The following ACAD10 variants were observed in gnomAD, a reference collection of about 807,000 sequenced individuals.
The protein encoded by ACAD10 is ACAD-10.
In ACAD10, 112 loss-of-function variants were observed where a neutral mutation model predicts 116.8. That is an observed-to-expected ratio of 0.96 (90% CI 0.82 to 1.12). The LOEUF (loss-of-function observed/expected upper bound fraction) is 1.12. ACAD10 is among the 50% of genes most tolerant of loss of function. The pLI is 0.00. For missense variants in ACAD10, 1,259 were observed against 1,350.2 expected, an observed-to-expected ratio of 0.93 and a Z score of 1.06; for synonymous variants, 486 against 510.6, an observed-to-expected ratio of 0.95 and a Z score of 0.65.
intron 2 of ACAD10, among the ~76,000 whole-genome samples, chr12:111,700,744 T>TTCCTTCCTTCCTTCCTTCCTTCCA (rs1400394382): frequency 6.9e-6 from 1 of 145,868 alleles, no homozygotes; most frequent in Admixed American, 6.8e-5. Flanking sequence ...CCTTCCTTCC[T>TTCCTTCCTTCCTTCCTTCCTTCCA]CTTCTTTTTT....
intron 2 of ACAD10, among the ~76,000 whole-genome samples, chr12:111,695,461 T>C (rs2135944201): frequency 6.6e-6 from 1 of 152,300 alleles, no homozygotes; most frequent in African/African-American, 2.4e-5. Context: ...AAGTTTCACC[T>C]TCACCGAGAT....
At chr12:111,698,629 C>T (rs987720180) in intron 2 of ACAD10, among the ~76,000 whole-genome samples, 5 of 151,628 alleles carry the variant, frequency 3.3e-5, no homozygotes, top group Admixed American at 6.6e-5. Flanking sequence ...AGGCATGCAC[C>T]ACCACCCCTG....
chr12:111,723,223 C>T (rs1889083945), intron 8 of ACAD10, among the ~76,000 whole-genome samples: 3 of 123,120 alleles, frequency 2.4e-5, no homozygotes, highest in South Asian at 2.9e-4. Context: ...CCGGACGGGG[C>T]GGCTGGCCGG....
intron 2 of ACAD10, among the ~76,000 whole-genome samples, chr12:111,695,815 A>G (rs1024269222): frequency 6.6e-6 from 1 of 152,010 alleles, no homozygotes; most frequent in African/African-American, 2.4e-5. Flanking sequence ...TGAGTTTGAG[A>G]CCAGCCTGGC....
At chr12:111,736,596 T>G (rs2135981350) in intron 11 of ACAD10, among the ~76,000 whole-genome samples, 1 of 152,342 alleles carries the variant, frequency 6.6e-6, no homozygotes, top group South Asian at 2.1e-4. Context: ...CATTCCTTCC[T>G]TTACTGCCAG....
At chr12:111,686,893 G>A (rs1373185966) in intron 1 of ACAD10, among the ~76,000 whole-genome samples, 2 of 152,188 alleles carry the variant, frequency 1.3e-5, no homozygotes, top group African/African-American at 2.4e-5. Flanking sequence ...CGTACTATGA[G>A]GTTGACCTAC....
intron 17 of ACAD10, chr12:111,748,914 C>A: frequency 1.7e-6 from 2 of 1,211,556 alleles, no homozygotes; most frequent in Non-Finnish European, 1.2e-6. Flanking sequence ...CCACTAGGAG[C>A]TTCAGCTTAA....
chr12:111,736,961 T>C lies in ACAD10; in HGVS notation c.1671T>C (p.Arg557=). The C allele has an allele frequency of 1.2e-6, 2 of 1,613,912 alleles. No individual in the cohort carries two copies. The highest frequency in any genetic ancestry group is 1.7e-6 in the Non-Finnish European group (2 of 1,179,924). ...TCTATATGGCTTTTTCCTTTTTCCG[T>C]GTGGCTGCAATCCTACAGGGAGTCT... ...WNFYMAFSFF[R]VAAILQGVYK... is the part of the protein sequence containing the mutation. Residue 557 remains arginine (R), a synonymous_variant, in exon 12 of 21, where the codon CGT becomes CGC. Transcript: ENST00000313698.
rs549492939 is a variant in ACAD10 at position 111,747,621 on chromosome 12, G to A, written c.2485+236G>A. 4.3e-4 allele frequency: 571 copies of A among 1,342,350 alleles called. 6 individuals carry two copies. The South Asian group carries it at 8.3e-3, about 20-fold the overall frequency. 83.2% of individuals were successfully genotyped at this position (1,342,350 alleles called of 1,614,324 possible). ...CGTCCCCCGGTGCCCACACATGGAC[G>A]GATGCCTCCCTGCACATGTGACCCC... On this transcript the variant is annotated intron_variant, in intron 16 of 20. Transcript: ENST00000313698.
chr12:111,752,006 C>T (rs1314045229), intron 18 of ACAD10, among the ~76,000 whole-genome samples: 2 of 149,268 alleles, frequency 1.3e-5, no homozygotes, highest in Non-Finnish European at 3.0e-5. Context: ...TGCGGTGAGC[C>T]GAGATCGCAC....
intron 1 of ACAD10, among the ~76,000 whole-genome samples, chr12:111,687,282 G>A (rs1887895889): frequency 1.3e-5 from 2 of 152,120 alleles, no homozygotes; most frequent in Non-Finnish European, 2.9e-5. Flanking sequence ...TATGAAATAC[G>A]TTTCCATATG....
At chr12:111,696,241 T>TG (rs1054591116) in intron 2 of ACAD10, among the ~76,000 whole-genome samples, 19 of 151,800 alleles carry the variant, frequency 1.3e-4, no homozygotes, top group African/African-American at 4.4e-4. Context: ...TTTATAGAGA[T>TG]GGGGTCTTGC....
At chr12:111,690,207 A>G (rs1887996579) in intron 1 of ACAD10, among the ~76,000 whole-genome samples, 1 of 152,158 alleles carries the variant, frequency 6.6e-6, no homozygotes, top group Admixed American at 6.6e-5. Flanking sequence ...CAGATTTTGG[A>G]TTTTGATATA....
intron 12 of ACAD10, among the ~76,000 whole-genome samples, chr12:111,741,085 G>GA (rs1317294593): frequency 6.6e-6 from 1 of 152,166 alleles, no homozygotes; most frequent in Non-Finnish European, 1.5e-5. Context: ...ACAGTCATGA[G>GA]AAAAACTGTC....
intron 8 of ACAD10, among the ~76,000 whole-genome samples, chr12:111,723,319 G>T (rs1420679946): frequency 7.0e-6 from 1 of 142,782 alleles, no homozygotes; most frequent in Non-Finnish European, 1.6e-5. Context: ...CGGGCGGGGG[G>T]GCTGACCCCC....
At chr12:111,753,134 A>AC in intron 18 of ACAD10, 1 of 207,750 alleles carries the variant, frequency 4.8e-6, no homozygotes, top group South Asian at 7.7e-5. Flanking sequence ...ACAAAGTGAG[A>AC]CCCCGTCTCC....
intron 8 of ACAD10, among the ~76,000 whole-genome samples, chr12:111,727,182 C>T (rs144107545): frequency 0.02 from 3,085 of 151,644 alleles, 119 homozygotes; most frequent in African/African-American, 0.072. Context: ...GCCAAGATCG[C>T]GCCACTGCAC....
In ACAD10 at chr12:111,715,879, G is replaced by A. The variant is rs775170783; in HGVS notation, c.909G>A (p.Arg303=). ...AGTCAAATCCAACTTACTACATCAG[G>A]CTGGCTAATCGTGATCTAGTTCTGA... The part of the protein sequence containing the change: ...HGQSNPTYYI[R]LANRDLVLRK... Residue 303 remains arginine, a synonymous_variant, in exon 7 of 21, where the codon AGG becomes AGA. Transcript: ENST00000313698. 10 of 1,614,002 alleles carry A rather than the reference G, an allele frequency of 6.2e-6. No homozygotes were observed. The East Asian group carries it at 1.1e-4, about 18-fold the overall frequency.
chr12:111,723,295 A>G (rs1593035235), intron 8 of ACAD10, among the ~76,000 whole-genome samples: 1 of 118,838 alleles, frequency 8.4e-6, no homozygotes, highest in Non-Finnish European at 1.7e-5. Context: ...CACCTCCCAG[A>G]CGGGGCGGCT....
Sources: allele counts gnomAD v4.1 joint callset (sites outside exome capture counted in the v4.1 genomes callset), GRCh38; gene constraint gnomAD v4.1.1; transcripts MANE v1.5; gene names NCBI Gene and HGNC (gene_info 2026-07-23, HGNC 2026-07-21).